Variants in EYA3 observed in about 807,000 individuals in gnomAD.
EYA3 encodes EYA transcriptional coactivator and phosphatase 3, also known as protein phosphatase EYA3.
A neutral mutation model predicts 80.0 loss-of-function variants in EYA3; 39 were observed. That is an observed-to-expected ratio of 0.49 (90% CI 0.38 to 0.64). The LOEUF (loss-of-function observed/expected upper bound fraction) is 0.64. Among genes scored for constraint, EYA3 ranks in the 30% least tolerant of loss-of-function variants. The pLI, the probability that EYA3 is intolerant of heterozygous loss-of-function variation, is 0.00. For synonymous variants in EYA3, 206 were observed against 232.8 expected (o/e 0.88, Z 1.05); for missense variants, 523 against 676.1 (o/e 0.77, Z 2.51).
intron 17 of EYA3, among the ~76,000 whole-genome samples, chr1:27,975,418 C>G (rs1401640746): frequency 6.6e-6 from 1 of 151,640 alleles, no homozygotes; most frequent in Non-Finnish European, 1.5e-5. Flanking sequence ...TGGGCTCAAG[C>G]AATCCTCCCA....
chr1:27,974,861 A>G (rs1638860608), intron 17 of EYA3, among the ~76,000 whole-genome samples: 1 of 151,876 alleles, frequency 6.6e-6, no homozygotes, highest in Admixed American at 6.6e-5. Flanking sequence ...TGGTGTGATT[A>G]TAGCTTACTG....
rs537778359 is a variant in EYA3, at chr1:28,036,490, A to G, written c.225-810T>C. Among the ~76,000 whole-genome samples, 401 of 152,290 alleles carry G rather than the reference A, an allele frequency of 2.6e-3. 2 individuals carry two copies. The highest frequency in any genetic ancestry group is 9.1e-3 in the African/African-American group (377 of 41,556). On this transcript the variant is annotated intron_variant, in intron 5 of 17. Transcript: ENST00000373871. Reference sequence around the variant, plus strand: ...GAAAAGGCAAGCAAACACATCAAAAAACGGAAGTAGAGATGGGTTCCAATA... The same window carrying G: ...GAAAAGGCAAGCAAACACATCAAAAGACGGAAGTAGAGATGGGTTCCAATA...
chr1:27,998,390 G>A, intron 12 of EYA3: 1 of 813,018 alleles, frequency 1.2e-6, no homozygotes, highest in African/African-American at 1.9e-5. Flanking sequence ...AATAATTATT[G>A]GCATGTAGTA....
At position 27,988,458 on chromosome 1, in the gene EYA3, C is replaced by A. The variant is rs532441905; in HGVS notation, c.1540+77G>T. 597 of 1,520,848 alleles carry A rather than the reference C, an allele frequency of 3.9e-4. 7 individuals are homozygous for A. The South Asian group carries it at 6.8e-3, about 17-fold the overall frequency. The allele number at this position is 1,520,848 out of a possible 1,614,324, so 94.2% of individuals were successfully genotyped here. A position where few individuals can be genotyped will look rare whatever the true frequency, so the allele number is the denominator to read the frequency against. On this transcript the variant is annotated intron_variant, in intron 16 of 17. Coordinates refer to ENST00000373871, the MANE Select transcript of EYA3 (RefSeq NM_001990.4). Reference sequence around the variant, plus strand: ...CAAATAAAGTGTCTAACAAGAGGGGCTAGAAAATAATAGGTGCATCATGAG... The same window carrying A: ...CAAATAAAGTGTCTAACAAGAGGGGATAGAAAATAATAGGTGCATCATGAG...
At chr1:27,996,742 G>A (rs953661373) in intron 13 of EYA3, among the ~76,000 whole-genome samples, 6 of 152,164 alleles carry the variant, frequency 3.9e-5, no homozygotes, top group Admixed American at 3.9e-4. Context: ...GATGTGACAG[G>A]TTTTTTTCTT....
At position 28,024,635 on chromosome 1, in the gene EYA3, C is replaced by T. The variant is rs554406717; in HGVS notation, c.499+3154G>A. On this transcript the variant is annotated intron_variant, in intron 7 of 17. Transcript: ENST00000373871. ...GCATGCCACTGCACTCCAGCCTGGG[C>T]GACAGAGCAAGACTCAGTCTCAAAA... 2.1e-3 allele frequency among the ~76,000 whole-genome samples: 313 copies of T among 151,056 alleles called. 1 individual carries two copies. The highest frequency in any genetic ancestry group is 3.3e-3 in the Admixed American group (50 of 15,160).
intron 1 of EYA3, among the ~76,000 whole-genome samples, chr1:28,062,776 G>C (rs112894737): frequency 6.6e-6 from 1 of 151,608 alleles, no homozygotes; most frequent in African/African-American, 2.4e-5. Flanking sequence ...CAAAGCAGGC[G>C]GATCACTTGA....
At chr1:28,075,516 A>G (rs1458768463) in intron 1 of EYA3, among the ~76,000 whole-genome samples, 1 of 152,186 alleles carries the variant, frequency 6.6e-6, no homozygotes, top group Non-Finnish European at 1.5e-5. Flanking sequence ...AACTCTGGGA[A>G]TGGAGTTTTG....
chr1:27,993,367 CAG>C (rs1640205490), intron 14 of EYA3, 31 bp downstream of exon 14: 5 of 1,590,090 alleles, frequency 3.1e-6, no homozygotes, highest in Middle Eastern at 1.7e-4. Context: ...CAGGAAGAAA[CAG>C]AGAATCAGAC....
intron 7 of EYA3, among the ~76,000 whole-genome samples, chr1:28,021,609 C>CT (rs113081277): frequency 0.083 from 12,001 of 144,504 alleles, 875 homozygotes; most frequent in East Asian, 0.25. Context: ...AATCATTCTT[C>CT]TTTTTTTTTT....
intron 1 of EYA3, among the ~76,000 whole-genome samples, chr1:28,065,053 G>A (rs570104908): frequency 1.2e-4 from 19 of 152,264 alleles, no homozygotes; most frequent in Admixed American, 3.9e-4. Flanking sequence ...TCCAAGGGGG[G>A]GATACACTGC....
At chr1:28,034,179 T>G (rs1643318781) in intron 6 of EYA3, among the ~76,000 whole-genome samples, 1 of 152,072 alleles carries the variant, frequency 6.6e-6, no homozygotes, top group Non-Finnish European at 1.5e-5. Context: ...ATCTGAGGTA[T>G]TCCATAAATC....
intron 1 of EYA3, among the ~76,000 whole-genome samples, chr1:28,078,311 A>C (rs576744621): frequency 2.0e-5 from 3 of 152,212 alleles, no homozygotes; most frequent in Non-Finnish European, 2.9e-5. Flanking sequence ...AACACGCTAC[A>C]CAAGAACTTT....
At chr1:28,059,715 A>ATTT (rs1224157714) in intron 1 of EYA3, among the ~76,000 whole-genome samples, 54 of 113,600 alleles carry the variant, frequency 4.8e-4, no homozygotes, top group East Asian at 1.0e-3. Flanking sequence ...CATTTGTTGG[A>ATTT]TTTTTTTTTT....
At chr1:27,988,497 T>C in intron 16 of EYA3, 38 bp downstream of exon 16, 1 of 1,603,386 alleles carries the variant, frequency 6.2e-7, no homozygotes, top group Non-Finnish European at 8.5e-7. Flanking sequence ...AAAGTTTTAT[T>C]GCAAGGCCAG....
At chr1:28,074,972 G>A (rs1222883311) in intron 1 of EYA3, among the ~76,000 whole-genome samples, 1 of 152,052 alleles carries the variant, frequency 6.6e-6, no homozygotes, top group East Asian at 1.9e-4. Flanking sequence ...GTTCATTTGT[G>A]ATCAGCTAAT....
intron 11 of EYA3, among the ~76,000 whole-genome samples, chr1:28,000,336 G>A (rs1287492072): frequency 2.0e-5 from 3 of 150,890 alleles, no homozygotes; most frequent in Admixed American, 6.6e-5. Flanking sequence ...TTTTTGAGAC[G>A]GAGTCTCACT....
Position 28,086,435 on chromosome 1 carries a change from G to A in EYA3, c.-69+2089C>T, listed in dbSNP as rs185983325. Among the ~76,000 whole-genome samples, 310 of 152,176 alleles carry A rather than the reference G, an allele frequency of 2.0e-3. 1 individual carries two copies. The highest frequency in any genetic ancestry group is 7.2e-3 in the African/African-American group (299 of 41,516). Reference sequence around the variant, plus strand: ...AACTCCTGGCCAATCCTCTGGCCTTGGCCTTCCAAAGTGCTGGGGATTATA... The same window carrying A: ...AACTCCTGGCCAATCCTCTGGCCTTAGCCTTCCAAAGTGCTGGGGATTATA... On this transcript the variant is annotated intron_variant, in intron 1 of 17. Coordinates refer to ENST00000373871, the MANE Select transcript of EYA3 (RefSeq NM_001990.4).
chr1:28,075,038 T>C (rs1408693551), intron 1 of EYA3, among the ~76,000 whole-genome samples: 2 of 152,216 alleles, frequency 1.3e-5, no homozygotes, highest in African/African-American at 4.8e-5. Context: ...CAGTGTGTAT[T>C]GACAGCCTAA....
Sources: gnomAD v4.1 joint callset for allele counts (sites outside exome capture counted in the v4.1 genomes callset) on GRCh38, gnomAD v4.1.1 for gene constraint, MANE v1.5 for transcripts, NCBI Gene and HGNC (gene_info 2026-07-23, HGNC 2026-07-21) for gene names.